The following FAM53B variants were observed in gnomAD, a reference collection of about 807,000 sequenced individuals.
FAM53B encodes protein FAM53B.
In FAM53B, 12 loss-of-function variants were observed where a neutral mutation model predicts 32.7. That is an observed-to-expected ratio of 0.37 (90% CI 0.24 to 0.59). The LOEUF is 0.59. FAM53B is among the 20% of genes least tolerant of loss of function. The pLI, the probability that FAM53B is intolerant of heterozygous loss-of-function variation, is 0.72. For missense variants in FAM53B, 477 were observed against 577.7 expected (o/e 0.83, Z 1.79); for synonymous variants, 234 against 228.7 (o/e 1.02, Z -0.21).
intron 4 of FAM53B, among the ~76,000 whole-genome samples, chr10:124,625,063 A>G (rs1949337736): frequency 6.6e-6 from 1 of 152,218 alleles, no homozygotes; most frequent in Admixed American, 6.5e-5. Context: ...CGCCAAGACC[A>G]CAGACCTGTC....
chr10:124,658,051 T>G (rs1451510131), intron 4 of FAM53B, among the ~76,000 whole-genome samples: 1 of 152,210 alleles, frequency 6.6e-6, no homozygotes, highest in Non-Finnish European at 1.5e-5. Context: ...GGGTGGGCAC[T>G]TTGGCAGCAT....
At chr10:124,643,318 G>C (rs1949488614) in intron 4 of FAM53B, among the ~76,000 whole-genome samples, 1 of 152,252 alleles carries the variant, frequency 6.6e-6, no homozygotes, top group East Asian at 1.9e-4. Flanking sequence ...TGGGCTGTGG[G>C]GCCATTGAAG....
intron 4 of FAM53B, among the ~76,000 whole-genome samples, chr10:124,675,251 G>A (rs899604821): frequency 6.6e-6 from 1 of 152,244 alleles, no homozygotes; most frequent in East Asian, 1.9e-4. Flanking sequence ...GCAACACTCC[G>A]TCAAAAGAAA....
At chr10:124,638,056 G>T (rs1243630795) in intron 4 of FAM53B, among the ~76,000 whole-genome samples, 1 of 152,184 alleles carries the variant, frequency 6.6e-6, no homozygotes, top group Non-Finnish European at 1.5e-5. Context: ...GATCCATTTG[G>T]GGTGGGATCC....
At chr10:124,679,462 C>T (rs147055407) in intron 4 of FAM53B, among the ~76,000 whole-genome samples, 4 of 152,310 alleles carry the variant, frequency 2.6e-5, no homozygotes, top group Non-Finnish European at 5.9e-5. Context: ...CTCAGGGCCC[C>T]ACAGAAAAGC....
At chr10:124,666,729 G>A (rs577762533) in intron 4 of FAM53B, among the ~76,000 whole-genome samples, 17 of 152,356 alleles carry the variant, frequency 1.1e-4, no homozygotes, top group Middle Eastern at 3.4e-3. Context: ...AGGCCTCAGA[G>A]AGCAGGGCAG....
At chr10:124,646,243 A>T (rs557987496) in intron 4 of FAM53B, among the ~76,000 whole-genome samples, 2 of 152,300 alleles carry the variant, frequency 1.3e-5, no homozygotes, top group South Asian at 4.1e-4. Context: ...TCTCCCTCTG[A>T]TTGCCTGTGT....
intron 3 of FAM53B, among the ~76,000 whole-genome samples, chr10:124,690,387 A>G (rs1346227761): frequency 1.3e-5 from 2 of 152,222 alleles, no homozygotes; most frequent in Non-Finnish European, 2.9e-5. Flanking sequence ...CCAGACGTCA[A>G]CCTAGTCTGT....
At chr10:124,710,475 C>T (rs569508704) in intron 1 of FAM53B, among the ~76,000 whole-genome samples, 24 of 152,354 alleles carry the variant, frequency 1.6e-4, no homozygotes, top group Middle Eastern at 3.4e-3. Flanking sequence ...TCCTATGACC[C>T]GTGGGCCCTG....
intron 4 of FAM53B, among the ~76,000 whole-genome samples, chr10:124,647,416 G>A (rs1375095550): frequency 6.6e-6 from 1 of 152,202 alleles, no homozygotes; most frequent in African/African-American, 2.4e-5. Flanking sequence ...CTCAAGCAGA[G>A]TGTTGATCTG....
At chr10:124,659,392 C>A (rs1472902364) in intron 4 of FAM53B, among the ~76,000 whole-genome samples, 2 of 152,250 alleles carry the variant, frequency 1.3e-5, no homozygotes, top group African/African-American at 4.8e-5. Flanking sequence ...TCAAAACAGG[C>A]CAGTGCTAGG....
chr10:124,692,348 G>C (rs1310295264), intron 3 of FAM53B, among the ~76,000 whole-genome samples: 2 of 152,174 alleles, frequency 1.3e-5, no homozygotes, highest in African/African-American at 4.8e-5. Context: ...GGACAAGAGT[G>C]GGGAGGGGCC....
chr10:124,724,459 C>T lies in FAM53B; in HGVS notation c.-174-17572G>A, dbSNP rs1179787658. Among the ~76,000 whole-genome samples the T allele has an allele frequency of 3.3e-5, 5 of 152,202 alleles. No individual in the cohort carries two copies. In the South Asian group the frequency reaches 8.3e-4, roughly 25 times the overall value. ...CCACAAGCCGCCACCCTGCTCTCTGCCTCCCATCACTCTGCTTCTCTCCAC... is the reference window on the plus strand; with the variant it reads ...CCACAAGCCGCCACCCTGCTCTCTGTCTCCCATCACTCTGCTTCTCTCCAC... On this transcript the variant is annotated intron_variant, in intron 1 of 4. Coordinates refer to ENST00000337318, the MANE Select transcript of FAM53B (RefSeq NM_014661.4).
At chr10:124,707,011 C>T in intron 1 of FAM53B, 124 bp from the exon 2 acceptor site, 1 of 867,846 alleles carries the variant, frequency 1.2e-6, no homozygotes, top group East Asian at 4.0e-5. Flanking sequence ...AAAGGAGATG[C>T]ACTCTGGGAG....
At chr10:124,636,322 T>G (rs1949431614) in intron 4 of FAM53B, among the ~76,000 whole-genome samples, 1 of 152,104 alleles carries the variant, frequency 6.6e-6, no homozygotes, top group South Asian at 2.1e-4. Flanking sequence ...GCAAAATCTG[T>G]GGACAAAAAA....
chr10:124,671,522 G>A (rs1263973188), intron 4 of FAM53B, among the ~76,000 whole-genome samples: 1 of 152,274 alleles, frequency 6.6e-6, no homozygotes, highest in African/African-American at 2.4e-5. Flanking sequence ...AACAGGCCCT[G>A]GCTGATCCAG....
intron 4 of FAM53B, among the ~76,000 whole-genome samples, chr10:124,633,406 C>T (rs1949404797): frequency 6.6e-6 from 1 of 152,252 alleles, no homozygotes; most frequent in East Asian, 1.9e-4. Flanking sequence ...ATCAACAGTA[C>T]TCCCAATCCC....
chr10:124,740,729 G>A (rs1458357956), intron 1 of FAM53B, among the ~76,000 whole-genome samples: 1 of 152,198 alleles, frequency 6.6e-6, no homozygotes, highest in Non-Finnish European at 1.5e-5. Flanking sequence ...AACTCTCCCT[G>A]GATGATCAGA....
At chr10:124,668,980 G>A (rs1457286757) in intron 4 of FAM53B, among the ~76,000 whole-genome samples, 2 of 152,224 alleles carry the variant, frequency 1.3e-5, no homozygotes, top group Non-Finnish European at 1.5e-5. Flanking sequence ...TGCTGCCTCC[G>A]GAGCAGCTGC....
Sources: allele counts gnomAD v4.1 joint callset (sites outside exome capture counted in the v4.1 genomes callset), GRCh38; gene constraint gnomAD v4.1.1; transcripts MANE v1.5; gene names NCBI Gene and HGNC (gene_info 2026-07-23, HGNC 2026-07-21).